LIN54: variants seen among roughly 807,000 people sequenced by gnomAD.
The protein encoded by LIN54 is protein lin-54 homolog.
LIN54 carries 9 observed loss-of-function variants against 78.7 expected under a neutral mutation model. The ratio of observed to expected loss-of-function variants is 0.11; its 90% CI spans 0.07 to 0.20. The LOEUF is 0.20. LIN54 is among the 10% of genes least tolerant of loss of function. The probability of loss-of-function intolerance (pLI) is 1.00; values close to 1 mark genes in which losing one functional copy is unlikely to be tolerated. For missense variants in LIN54, 573 were observed against 889.9 expected, an observed-to-expected ratio of 0.64 and a Z score of 4.53; for synonymous variants, 269 against 318.4, an observed-to-expected ratio of 0.84 and a Z score of 1.65.
intron 12 of LIN54, among the ~76,000 whole-genome samples, chr4:82,928,604 C>A (rs895061448): frequency 6.6e-6 from 1 of 152,202 alleles, no homozygotes; most frequent in Non-Finnish European, 1.5e-5. Context: ...ACTAGAATTT[C>A]TTTAACTAAA....
intron 4 of LIN54, among the ~76,000 whole-genome samples, chr4:82,947,623 C>A (rs905372385): frequency 3.3e-5 from 5 of 152,008 alleles, no homozygotes; most frequent in African/African-American, 9.7e-5. Flanking sequence ...TTTGGTCTGA[C>A]AAAAGGCAAT....
chr4:82,987,901 T>C (rs1578620126), intron 1 of LIN54, among the ~76,000 whole-genome samples: 2 of 152,256 alleles, frequency 1.3e-5, no homozygotes, highest in Non-Finnish European at 2.9e-5. Flanking sequence ...TACCCAGTAA[T>C]GGGACTGATG....
rs1418894162 is a variant in LIN54, at chr4:82,927,287, A to G, written c.*815T>C. On this transcript the variant is annotated 3_prime_UTR_variant, in exon 13 of 13. Transcript: ENST00000340417. The stretch of plus-strand genomic sequence containing the variant: ...ATACTTGATTACTATGTGAGGTTCT[A>G]TATTATCACTACATAATGTTTACTT... 1 of 152,104 alleles carries G rather than the reference A, an allele frequency of 6.6e-6. No individual in the cohort carries two copies. Among genetic ancestry groups the G allele is most frequent in the African/African-American group, 2.4e-5 (1 of 41,412 alleles). 9.4% of individuals were successfully genotyped at this position (152,104 alleles called of 1,614,324 possible).
rs112384736 is a variant in LIN54, at chr4:82,952,316, G to A, written c.952-5842C>T. On this transcript the variant is annotated intron_variant, in intron 4 of 12. Coordinates refer to ENST00000340417, the MANE Select transcript of LIN54 (RefSeq NM_194282.4). Reference sequence around the variant, plus strand: ...CAATTTTAAAATGAGCAAAGAACTTGGATAGAATTTTCTCCAAATAAGATA... The same window carrying A: ...CAATTTTAAAATGAGCAAAGAACTTAGATAGAATTTTCTCCAAATAAGATA... 5.5e-3 allele frequency among the ~76,000 whole-genome samples: 843 copies of A among 152,200 alleles called. 18 individuals are homozygous for A. Among genetic ancestry groups the A allele is most frequent in the African/African-American group, 0.019 (787 of 41,532 alleles).
At chr4:82,980,542 CA>C (rs1445848523) in intron 2 of LIN54, among the ~76,000 whole-genome samples, 3 of 143,450 alleles carry the variant, frequency 2.1e-5, no homozygotes, top group Non-Finnish European at 4.5e-5. Context: ...TGACAAAAAC[CA>C]ACTGTATATA....
chr4:82,957,330 A>C (rs1156763252), intron 4 of LIN54, among the ~76,000 whole-genome samples: 1 of 152,234 alleles, frequency 6.6e-6, no homozygotes, highest in Non-Finnish European at 1.5e-5. Context: ...ACATTGATTC[A>C]TAAAGCTTGA....
Position 82,925,113 on chromosome 4 carries a change from C to T in LIN54, c.*2989G>A, listed in dbSNP as rs1264071851. ...TGTTTCCCAGACCCCAGAGATAAGACCTACAGGTTGTGTTTAGTGCTTCAG... is the reference window on the plus strand; with the variant it reads ...TGTTTCCCAGACCCCAGAGATAAGATCTACAGGTTGTGTTTAGTGCTTCAG... On this transcript the variant is annotated 3_prime_UTR_variant, in exon 13 of 13. Transcript: ENST00000340417. 2 of 152,558 alleles carry T rather than the reference C, an allele frequency of 1.3e-5. No individual in the cohort carries two copies. The highest frequency in any genetic ancestry group is 4.8e-5 in the African/African-American group (2 of 41,430). 9.5% of individuals were successfully genotyped at this position (152,558 alleles called of 1,614,324 possible).
rs759589914 is a variant in LIN54, at chr4:82,928,141, T to C, written c.2211A>G (p.Ala737=). The C allele has an allele frequency of 4.3e-5, 69 of 1,614,162 alleles. No homozygotes were observed. The East Asian group carries it at 1.5e-3, about 34-fold the overall frequency. ...GRCLMSVINS[A]GKAKSDPCAM... ...CACAAGGGTCACTTTTTGCCTTTCC[T>C]GCAGAGTTGATGACACTCATCAAAC... The change falls in exon 13 of 13, where the codon GCA becomes GCG. Residue 737 remains alanine (A), a synonymous_variant. Transcript: ENST00000340417.
intron 1 of LIN54, among the ~76,000 whole-genome samples, chr4:82,992,854 C>G (rs1010991573): frequency 1.3e-5 from 2 of 151,830 alleles, no homozygotes; most frequent in African/African-American, 2.4e-5. Flanking sequence ...CGGTGAAACC[C>G]CGTCTCTACT....
intron 3 of LIN54, among the ~76,000 whole-genome samples, chr4:82,972,652 T>C (rs1480401262): frequency 6.6e-6 from 1 of 152,216 alleles, no homozygotes; most frequent in Non-Finnish European, 1.5e-5. Flanking sequence ...GCCACTGCTA[T>C]AATTTCATGT....
Position 82,979,939 on chromosome 4 carries a change from C to CAAAAA in LIN54, c.685-938_685-934dup, listed in dbSNP as rs70943176. On this transcript the variant is annotated intron_variant, in intron 2 of 12. Transcript: ENST00000340417. ...TGACAGAGTGAGTGAGACTCTGTCT[C>CAAAAA]AAAAAAAAAAAAAAAAAAAAAAAAA... Among the ~76,000 whole-genome samples the CAAAAA allele has an allele frequency of 6.8e-4, 34 of 49,848 alleles. 3 individuals carry two copies. Among genetic ancestry groups the CAAAAA allele is most frequent in the African/African-American group, 2.9e-3 (34 of 11,870 alleles). The allele number at this position is 49,848 out of a possible 152,430, so 32.7% of individuals were successfully genotyped here.
intron 4 of LIN54, among the ~76,000 whole-genome samples, chr4:82,965,457 A>G: frequency 6.6e-6 from 1 of 152,154 alleles, no homozygotes; most frequent in Middle Eastern, 3.2e-3. Context: ...TAATCATGGG[A>G]AACACCTAGG....
chr4:82,970,599 C>T (rs959312214), intron 3 of LIN54, 130 bp from the exon 4 acceptor site: 2 of 785,906 alleles, frequency 2.5e-6, no homozygotes, highest in African/African-American at 3.5e-5. Flanking sequence ...CTTAATGAGG[C>T]ACTAATGAAC....
chr4:82,949,388 TTTG>T (rs57137614), intron 4 of LIN54, among the ~76,000 whole-genome samples: 150,505 of 151,144 alleles, frequency 1, 74,936 homozygotes, highest in Middle Eastern at 1. Context: ...TATGAGTTCT[TTTG>T]TTGTTGTTGT....
intron 3 of LIN54, among the ~76,000 whole-genome samples, chr4:82,977,668 C>T (rs1726273502): frequency 6.6e-6 from 1 of 152,212 alleles, no homozygotes; most frequent in Non-Finnish European, 1.5e-5. Context: ...TTTTAATATA[C>T]ATGCTAGGAA....
At chr4:82,937,470 T>C (rs531683395) in intron 8 of LIN54, among the ~76,000 whole-genome samples, 172 bp from the exon 9 acceptor site, 1 of 152,366 alleles carries the variant, frequency 6.6e-6, no homozygotes, top group Non-Finnish European at 1.5e-5. Context: ...CAATGTTAAA[T>C]GTGTCCATCT....
intron 11 of LIN54, among the ~76,000 whole-genome samples, chr4:82,935,723 T>C (rs945242167): frequency 1.3e-5 from 2 of 152,178 alleles, no homozygotes; most frequent in African/African-American, 2.4e-5. Flanking sequence ...ATCTGCATAC[T>C]TTCTGAGCAT....
intron 4 of LIN54, among the ~76,000 whole-genome samples, chr4:82,963,771 G>T (rs113472270): frequency 0.02 from 3,014 of 151,910 alleles, 100 homozygotes; most frequent in African/African-American, 0.068. Context: ...AAAAGGGCAG[G>T]AAAACAGTTA....
intron 2 of LIN54, among the ~76,000 whole-genome samples, chr4:82,982,024 A>AAAAAC (rs904199921): frequency 4.6e-5 from 7 of 152,112 alleles, no homozygotes; most frequent in African/African-American, 1.4e-4. Flanking sequence ...GACCTGTCTC[A>AAAAAC]AAAACAAAAC....
Sources: allele counts gnomAD v4.1 joint callset (sites outside exome capture counted in the v4.1 genomes callset), GRCh38; gene constraint gnomAD v4.1.1; transcripts MANE v1.5; gene names NCBI Gene and HGNC (gene_info 2026-07-23, HGNC 2026-07-21).